ACSBG2: variants seen among roughly 807,000 people sequenced by gnomAD.
The protein encoded by ACSBG2 is acyl-CoA synthetase bubblegum family member 2, also known as long-chain-fatty-acid--CoA ligase ACSBG2.
A neutral mutation model predicts 74.7 loss-of-function variants in ACSBG2; 62 were observed. The observed-to-expected ratio is 0.83, with a 90% CI of 0.68 to 1.03. The LOEUF is 1.03. ACSBG2 is among the 50% of genes least tolerant of loss of function. ACSBG2 has a pLI of 0.00. For synonymous variants in ACSBG2, 309 were observed against 294.1 expected, an observed-to-expected ratio of 1.05 and a Z score of -0.52; for missense variants, 730 against 817.6, an observed-to-expected ratio of 0.89 and a Z score of 1.31.
At chr19:6,189,707 C>CTT (rs2090507411) in intron 13 of ACSBG2, 1 of 147,800 alleles carries the variant, frequency 6.8e-6, no homozygotes, top group African/African-American at 2.5e-5. Context: ...TTCTTTCTTT[C>CTT]TTTCTTTCTT....
chr19:6,177,016 C>T (rs2090105864), intron 7 of ACSBG2, among the ~76,000 whole-genome samples: 1 of 151,786 alleles, frequency 6.6e-6, no homozygotes. Context: ...AAAAAATTAG[C>T]TGGGTGTGGT....
At chr19:6,139,036 G>A (rs1047459784) in intron 1 of ACSBG2, among the ~76,000 whole-genome samples, 4 of 151,908 alleles carry the variant, frequency 2.6e-5, no homozygotes, top group Non-Finnish European at 4.4e-5. Flanking sequence ...TACTTTGTGT[G>A]TGTAAACTCC....
In ACSBG2 at chr19:6,166,020, G is replaced by A. The variant is rs768679679; in HGVS notation, c.738+5G>A. ...GTGATGCTCAGTCATGACAACGTAC[G>A]CCAAAGTCCCTTTGCTCTGGAGTGG... On this transcript the variant is annotated splice_donor_5th_base_variant and intron_variant, in intron 7 of 14. Transcript: ENST00000588485. 4.3e-6 allele frequency: 7 copies of A among 1,613,558 alleles called. No homozygotes were observed. The highest frequency in any genetic ancestry group is 5.1e-6 in the Non-Finnish European group (6 of 1,179,806).
chr19:6,143,950 G>A (rs111639094), intron 2 of ACSBG2, among the ~76,000 whole-genome samples: 5,465 of 142,474 alleles, frequency 0.038, 207 homozygotes, highest in African/African-American at 0.1. Flanking sequence ...GAAGTAATTT[G>A]GTTTTTTTGT....
At chr19:6,151,961 G>C (rs1238852388) in intron 4 of ACSBG2, among the ~76,000 whole-genome samples, 166 bp downstream of exon 4, 2 of 152,168 alleles carry the variant, frequency 1.3e-5, no homozygotes, top group African/African-American at 4.8e-5. Context: ...CAGGTCATAC[G>C]CAATAACACC....
At chr19:6,181,312 A>G (rs947898151) in intron 8 of ACSBG2, among the ~76,000 whole-genome samples, 1 of 149,912 alleles carries the variant, frequency 6.7e-6, no homozygotes, top group Non-Finnish European at 1.5e-5. Context: ...AGAAGGAAAG[A>G]AAGGAAGGAG....
At chr19:6,141,636 G>A in intron 2 of ACSBG2, 26 bp downstream of exon 2, 3 of 1,392,206 alleles carry the variant, frequency 2.2e-6, no homozygotes, top group Non-Finnish European at 3.1e-6. Context: ...GAGTACGTGG[G>A]AGAGAGAGTG....
chr19:6,188,473 T>A (rs1410111623), intron 13 of ACSBG2, among the ~76,000 whole-genome samples: 1 of 151,942 alleles, frequency 6.6e-6, no homozygotes, highest in Non-Finnish European at 1.5e-5. Flanking sequence ...AAATCCTAAC[T>A]CTACACAAAA....
chr19:6,181,317 AAGG>A (rs1226493516), intron 8 of ACSBG2, among the ~76,000 whole-genome samples: 2 of 149,322 alleles, frequency 1.3e-5, no homozygotes, highest in Non-Finnish European at 3.0e-5. Context: ...GAAAGAAAGG[AAGG>A]AGGGAGGAAA....
intron 4 of ACSBG2, among the ~76,000 whole-genome samples, chr19:6,155,463 A>T (rs2089385979): frequency 6.6e-6 from 1 of 152,164 alleles, no homozygotes; most frequent in African/African-American, 2.4e-5. Context: ...CTTTATTAGC[A>T]TTAAAAACTT....
intron 6 of ACSBG2, chr19:6,161,687 G>T: frequency 5.6e-6 from 1 of 180,006 alleles, no homozygotes; most frequent in South Asian, 1.1e-4. Context: ...GCTTTGCAAA[G>T]GGAAGTGGAT....
At chr19:6,137,608 TTTTTTA>T (rs1046464060) in intron 1 of ACSBG2, among the ~76,000 whole-genome samples, 27 of 152,054 alleles carry the variant, frequency 1.8e-4, no homozygotes, top group Non-Finnish European at 3.5e-4. Context: ...AGCATTTCAC[TTTTTTA>T]TTTTTATTTA....
intron 1 of ACSBG2, among the ~76,000 whole-genome samples, chr19:6,140,687 C>T (rs1044941268): frequency 6.6e-6 from 1 of 152,112 alleles, no homozygotes; most frequent in Non-Finnish European, 1.5e-5. Context: ...CCCATGTGAT[C>T]TTAAGTCTGA....
At chr19:6,143,626 T>A (rs966030066) in intron 2 of ACSBG2, among the ~76,000 whole-genome samples, 6 of 152,106 alleles carry the variant, frequency 3.9e-5, no homozygotes, top group Non-Finnish European at 8.8e-5. Flanking sequence ...GACACCTCCA[T>A]GTTTTTGTCC....
chr19:6,187,587 G>T lies in ACSBG2; in HGVS notation c.1681-12G>T. On this transcript the variant is annotated splice_polypyrimidine_tract_variant and intron_variant, in intron 12 of 14. Transcript: ENST00000588485. ...AAGGAGCATGGGTGGTGACAGAGGT[G>T]TCTGGGGGCAGTGTGAGATGAATCA... 6.2e-7 allele frequency: 1 copy of T among 1,614,018 alleles called. No individual in the cohort carries two copies. The highest frequency in any genetic ancestry group is 8.5e-7 in the Non-Finnish European group (1 of 1,179,968).
chr19:6,157,279 G>C lies in ACSBG2; in HGVS notation c.507+728G>C, dbSNP rs528757004. ...AACTTTTAAAACATTTTTTGGGCCA[G>C]GTGTGGTGGTTCATGCTTGTAATCC... On this transcript the variant is annotated intron_variant, in intron 5 of 14. Coordinates refer to ENST00000588485, the MANE Select transcript of ACSBG2 (RefSeq NM_030924.5). Among the ~76,000 whole-genome samples the C allele has an allele frequency of 2.0e-4, 30 of 152,258 alleles. 1 individual carries two copies. The South Asian group carries it at 6.2e-3, about 32-fold the overall frequency.
chr19:6,137,743 G>A (rs112704782), intron 1 of ACSBG2, among the ~76,000 whole-genome samples: 1,722 of 152,212 alleles, frequency 0.011, 31 homozygotes, highest in African/African-American at 0.04. Flanking sequence ...TGCCTCTTGG[G>A]TTCAAGCAAT....
intron 7 of ACSBG2, among the ~76,000 whole-genome samples, chr19:6,172,854 G>A (rs2089997708): frequency 6.6e-6 from 1 of 152,172 alleles, no homozygotes; most frequent in South Asian, 2.1e-4. Flanking sequence ...TCATGATGGG[G>A]TGCACTGAGG....
At chr19:6,151,239 C>T (rs768434087) in intron 3 of ACSBG2, among the ~76,000 whole-genome samples, 8 of 151,928 alleles carry the variant, frequency 5.3e-5, no homozygotes, top group Non-Finnish European at 1.0e-4. Flanking sequence ...ACAAACCTCC[C>T]GTAGTCATAA....
Sources: allele counts gnomAD v4.1 joint callset (sites outside exome capture counted in the v4.1 genomes callset), GRCh38; gene constraint gnomAD v4.1.1; transcripts MANE v1.5; gene names NCBI Gene and HGNC (gene_info 2026-07-23, HGNC 2026-07-21).